The following ZNF813 variants were observed in gnomAD, a reference collection of about 807,000 sequenced individuals.
ZNF813 encodes the protein zinc finger protein 813.
Under a neutral mutation model 7.2 loss-of-function variants are expected in ZNF813, and 3 were observed. The observed-to-expected ratio is 0.42, with a 90% confidence interval of 0.19 to 1.08. The LOEUF (loss-of-function observed/expected upper bound fraction) is 1.08. ZNF813 is among the 50% of genes least tolerant of loss of function. ZNF813 has a pLI of 0.30. For synonymous variants in ZNF813, 227 were observed against 256.3 expected (o/e 0.89, Z 1.09); for missense variants, 714 against 753.3 (o/e 0.95, Z 0.61).
At chr19:53,487,205 G>C (rs1199955974) in intron 3 of ZNF813, among the ~76,000 whole-genome samples, 6 of 152,060 alleles carry the variant, frequency 3.9e-5, no homozygotes, top group Non-Finnish European at 5.9e-5. Context: ...GGTTCCTGTT[G>C]ATTCAGCCAG....
chr19:53,475,437 G>A (rs7249747), intron 1 of ZNF813, among the ~76,000 whole-genome samples: 25,799 of 151,100 alleles, frequency 0.17, 291 homozygotes, highest in East Asian at 0.25. Flanking sequence ...GGAATACCTC[G>A]TCTACTGTTT....
At chr19:53,480,877 G>C (rs1371744025) in intron 1 of ZNF813, among the ~76,000 whole-genome samples, 1 of 152,154 alleles carries the variant, frequency 6.6e-6, no homozygotes, top group Admixed American at 6.5e-5. Flanking sequence ...AACTCTGGCG[G>C]AGTCAAAGGA....
intron 1 of ZNF813, among the ~76,000 whole-genome samples, chr19:53,476,926 T>A (rs1007934222): frequency 2.0e-5 from 3 of 152,052 alleles, no homozygotes; most frequent in African/African-American, 7.2e-5. Flanking sequence ...CCTCCCAAAG[T>A]GCTGGGATTA....
intron 1 of ZNF813, among the ~76,000 whole-genome samples, chr19:53,472,621 T>C (rs1600108241): frequency 6.7e-6 from 1 of 148,316 alleles, no homozygotes; most frequent in African/African-American, 2.5e-5. Flanking sequence ...CTTTTTTTTT[T>C]TTTTTTTTGA....
In ZNF813 at chr19:53,494,216, A is replaced by C. The variant is rs2086476632; in HGVS notation, c.*2130A>C. ...GTCTTCAAGAAGTTCATGGAAAAAT[A>C]CATATTTTGCATATTATGAGAAAAT... On this transcript the variant is annotated 3_prime_UTR_variant, in exon 4 of 4. Coordinates refer to ENST00000396403, the MANE Select transcript of ZNF813 (RefSeq NM_001004301.4). 1 of 152,238 alleles carries C rather than the reference A, an allele frequency of 6.6e-6. No individual in the cohort carries two copies. The highest frequency in any genetic ancestry group is 2.4e-5 in the African/African-American group (1 of 41,462). 9.4% of individuals were successfully genotyped at this position (152,238 alleles called of 1,614,324 possible).
intron 1 of ZNF813, among the ~76,000 whole-genome samples, chr19:53,480,507 C>G (rs966896922): frequency 3.3e-5 from 5 of 152,022 alleles, no homozygotes; most frequent in African/African-American, 1.2e-4. Context: ...AAGACAATTT[C>G]TAAATAGTTT....
intron 1 of ZNF813, among the ~76,000 whole-genome samples, chr19:53,477,835 G>T (rs1247326603): frequency 5.3e-5 from 8 of 151,994 alleles, no homozygotes; most frequent in Non-Finnish European, 1.0e-4. Flanking sequence ...GAATAAAAGG[G>T]GTGGGGGACT....
chr19:53,472,935 G>A (rs1226890824), intron 1 of ZNF813, among the ~76,000 whole-genome samples: 7 of 152,028 alleles, frequency 4.6e-5, no homozygotes, highest in Non-Finnish European at 7.4e-5. Flanking sequence ...GTTCTTAAGC[G>A]AGTCCTTGTA....
rs928536936 is a variant in ZNF813, at chr19:53,495,570, G to A, written c.*3484G>A. 1 of 152,012 alleles carries A rather than the reference G, an allele frequency of 6.6e-6. No individual in the cohort carries two copies. Among genetic ancestry groups the A allele is most frequent in the Non-Finnish European group, 1.5e-5 (1 of 68,100 alleles). The allele number at this position is 152,012 out of a possible 1,614,324, so 9.4% of individuals were successfully genotyped here. ...TATCTTGTTTGTGCCACAATGAAGA[G>A]GACTGACAGGTAACAGCAGAAACAA... On this transcript the variant is annotated 3_prime_UTR_variant, in exon 4 of 4. Transcript: ENST00000396403.
chr19:53,480,989 T>C (rs1419675511), intron 1 of ZNF813, among the ~76,000 whole-genome samples: 1 of 152,196 alleles, frequency 6.6e-6, no homozygotes, highest in African/African-American at 2.4e-5. Flanking sequence ...CACTATTTAT[T>C]GGTGATCAAA....
chr19:53,480,310 A>G (rs2086401959), intron 1 of ZNF813: 7 of 701,714 alleles, frequency 1.0e-5, no homozygotes, highest in Admixed American at 7.1e-5. Flanking sequence ...CTTTGCAAAC[A>G]ACATTTAAGG....
At position 53,491,041 on chromosome 19, in the gene ZNF813, C is replaced by A. The variant is rs1340865058; in HGVS notation, c.809C>A (p.Pro270His). 6.2e-7 allele frequency: 1 copy of A among 1,614,038 alleles called. No homozygotes were observed. Among genetic ancestry groups the A allele is most frequent in the Non-Finnish European group, 8.5e-7 (1 of 1,180,022 alleles). ...CGTAGATGTCACACTGGGGAGAAAC[C>A]TTACAGGTGTAATGAGTGTGGCAAG... ...CHRRCHTGEKPYRCNECGKTF... is the reference protein window; with the variant it reads ...CHRRCHTGEKHYRCNECGKTF... Residue 270 changes from proline (P) to histidine (H), a missense_variant, in exon 4 of 4, where the codon CCT (proline) becomes CAT (histidine). This residue lies in a region of ZNF813 where 563 missense variants were observed against 554.2 expected (regional missense o/e 1.02). Coordinates refer to ENST00000396403, the MANE Select transcript of ZNF813 (RefSeq NM_001004301.4).
In ZNF813 at chr19:53,494,015, T is replaced by C. The variant is rs2086475787; in HGVS notation, c.*1929T>C. 1 of 152,340 alleles carries C rather than the reference T, an allele frequency of 6.6e-6. No homozygotes were observed. Among genetic ancestry groups the C allele is most frequent in the Non-Finnish European group, 1.5e-5 (1 of 68,054 alleles). 9.4% of individuals were successfully genotyped at this position (152,340 alleles called of 1,614,324 possible). ...TGAGTGGATTTTGAATTTTGTGAAA[T>C]ACTTTTTCTCCATCTATTGAGATGA... On this transcript the variant is annotated 3_prime_UTR_variant, in exon 4 of 4. Coordinates refer to ENST00000396403, the MANE Select transcript of ZNF813 (RefSeq NM_001004301.4).
chr19:53,479,759 G>C, intron 1 of ZNF813: 2 of 1,292,670 alleles, frequency 1.5e-6, no homozygotes, highest in Non-Finnish European at 1.1e-6. Context: ...CATTGAAAGA[G>C]ACATGGAATG....
Position 53,490,602 on chromosome 19 carries a change from G to A in ZNF813, c.370G>A (p.Asp124Asn). ...AATCAAAAAGTTGACTGGTAGTGCA[G>A]ACCGATATGATCAAAGGCATGCTGG... ...TEIKKLTGSA[D>N]RYDQRHAGNK... Residue 124 changes from aspartate to asparagine, a missense_variant, in exon 4 of 4, where the codon GAC (aspartate) becomes AAC (asparagine). Around this residue, in one of 3 missense-constraint regions of ZNF813, gnomAD observed 563 missense variants for 554.2 expected, o/e 1.02. Transcript: ENST00000396403. 22 of 1,614,194 alleles carry A rather than the reference G, an allele frequency of 1.4e-5. No homozygotes were observed. Among genetic ancestry groups the A allele is most frequent in the Non-Finnish European group, 1.8e-5 (21 of 1,180,042 alleles).
At chr19:53,480,224 C>T (rs1444096852) in intron 1 of ZNF813, 1 of 754,838 alleles carries the variant, frequency 1.3e-6, no homozygotes, top group African/African-American at 1.7e-5. Context: ...TCACCACCCC[C>T]TCCTCCCCTG....
chr19:53,480,175 C>T (rs1568829734), intron 1 of ZNF813: 1 of 758,442 alleles, frequency 1.3e-6, no homozygotes. Context: ...TGACCTTTAC[C>T]TGAGGGCTGA....
In ZNF813 at chr19:53,491,032, G is replaced by A; in HGVS notation, c.800G>A (p.Gly267Glu). The change falls in exon 4 of 4, where the codon GGG becomes GAG. Residue 267 changes from glycine to glutamate, a missense_variant. By Grantham distance (98) the Gly-to-Glu change is moderately conservative. This residue lies in a region of ZNF813 where 563 missense variants were observed against 554.2 expected (regional missense o/e 1.02). Transcript: ENST00000396403. ...GTGTGCCATCGTAGATGTCACACTG[G>A]GGAGAAACCTTACAGGTGTAATGAG... ...NLVCHRRCHTGEKPYRCNECG... is the reference protein window; with the variant it reads ...NLVCHRRCHTEEKPYRCNECG... 6.2e-7 allele frequency: 1 copy of A among 1,614,160 alleles called. No individual in the cohort carries two copies.
At chr19:53,489,624 T>A (rs2086449778) in intron 3 of ZNF813, among the ~76,000 whole-genome samples, 1 of 152,046 alleles carries the variant, frequency 6.6e-6, no homozygotes, top group Non-Finnish European at 1.5e-5. Context: ...AATACAAAAA[T>A]TTTTAAAAGA....
Sources: allele counts gnomAD v4.1 joint callset (sites outside exome capture counted in the v4.1 genomes callset), GRCh38; gene constraint gnomAD v4.1.1; regional missense constraint gnomAD v4.1.1; transcripts MANE v1.5; gene names NCBI Gene and HGNC (gene_info 2026-07-23, HGNC 2026-07-21).